Variants in PTGFR observed in about 807,000 individuals in gnomAD.
PTGFR encodes the protein prostaglandin F receptor, also known as prostaglandin F2-alpha receptor.
A neutral mutation model predicts 26.2 loss-of-function variants in PTGFR; 15 were observed. The observed-to-expected ratio is 0.57, with a 90% confidence interval of 0.38 to 0.88. The LOEUF is 0.88. Ranked by LOEUF, PTGFR falls within the 40% of genes least tolerant of loss-of-function variation. The probability of loss-of-function intolerance (pLI) is 0.00; values close to 1 mark genes in which losing one functional copy is unlikely to be tolerated. For synonymous variants in PTGFR, 165 were observed against 151.1 expected, an observed-to-expected ratio of 1.09 and a Z score of -0.68; for missense variants, 369 against 427.2, an observed-to-expected ratio of 0.86 and a Z score of 1.20.
In PTGFR at chr1:78,500,814, T is replaced by C. The variant is rs550858900; in HGVS notation, c.798+7273T>C. On this transcript the variant is annotated intron_variant, in intron 2 of 2. Transcript: ENST00000370757. ...CTATGTGTAGGCTATGTATATGGAA[T>C]TGAGCTCATTTAAGTATAAAACTAT... Among the ~76,000 whole-genome samples, 4 of 152,354 alleles carry C rather than the reference T, an allele frequency of 2.6e-5. No individual in the cohort carries two copies. The South Asian group carries it at 8.3e-4, about 32-fold the overall frequency.
chr1:78,534,521 T>C (rs1022417421), intron 2 of PTGFR, among the ~76,000 whole-genome samples: 2 of 152,090 alleles, frequency 1.3e-5, no homozygotes, highest in Non-Finnish European at 2.9e-5. Context: ...ACAAATTTCT[T>C]AGGGGAAAAA....
At chr1:78,498,695 AAAAC>A (rs749267762) in intron 2 of PTGFR, among the ~76,000 whole-genome samples, 3 of 152,244 alleles carry the variant, frequency 2.0e-5, no homozygotes, top group East Asian at 3.9e-4. Flanking sequence ...CCTGACTCTA[AAAAC>A]AAACAAACAC....
chr1:78,524,581 C>T lies in PTGFR; in HGVS notation c.799-11825C>T, dbSNP rs562493822. Among the ~76,000 whole-genome samples, 4 of 152,200 alleles carry T rather than the reference C, an allele frequency of 2.6e-5. No homozygotes were observed. In the South Asian group the frequency reaches 8.3e-4, roughly 32 times the overall value. ...CATGCTTTCTTTCTCACTGGCAATA[C>T]AACCTGATCAGAATTTATCTACCTT... On this transcript the variant is annotated intron_variant, in intron 2 of 2. Transcript: ENST00000370757.
intron 2 of PTGFR, among the ~76,000 whole-genome samples, chr1:78,510,734 G>A (rs1649946699): frequency 6.6e-6 from 1 of 152,126 alleles, no homozygotes; most frequent in East Asian, 1.9e-4. Context: ...GCATTCTAGT[G>A]TCAACTCAAA....
At chr1:78,532,364 TTATA>T (rs200848855) in intron 2 of PTGFR, 3,470 of 85,182 alleles carry the variant, frequency 0.041, 300 homozygotes, top group African/African-American at 0.14. Flanking sequence ...GTAAATTCAT[TTATA>T]TATATATATA....
rs200848855 is a variant in PTGFR at position 78,532,364 on chromosome 1, TTATATATATATATATA to T, written c.799-4024_799-4009del. ...AGTTTATGCCGTCAAGTAAATTCATTTATATATATATATATATATATATATATATATATGTATATAT... is the reference window on the plus strand; with the variant it reads ...AGTTTATGCCGTCAAGTAAATTCATTTATATATATATATATATGTATATAT... On this transcript the variant is annotated intron_variant, in intron 2 of 2. Transcript: ENST00000370757. 10 of 85,234 alleles carry T rather than the reference TTATATATATATATATA, an allele frequency of 1.2e-4. 1 individual carries two copies. The highest frequency in any genetic ancestry group is 5.1e-4 in the South Asian group (1 of 1,942). The allele number at this position is 85,234 out of a possible 1,614,324, so 5.3% of individuals were successfully genotyped here.
chr1:78,533,672 C>T (rs1391194841), intron 2 of PTGFR, among the ~76,000 whole-genome samples: 2 of 152,150 alleles, frequency 1.3e-5, no homozygotes, highest in African/African-American at 4.8e-5. Context: ...GCATAATTAT[C>T]AAATTTACCA....
intron 2 of PTGFR, among the ~76,000 whole-genome samples, chr1:78,494,851 G>T (rs1245443909): frequency 1.3e-5 from 2 of 152,056 alleles, no homozygotes; most frequent in African/African-American, 4.8e-5. Context: ...TAATCCTTCC[G>T]CCTCGGCCTC....
At position 78,492,787 on chromosome 1, in the gene PTGFR, C is replaced by A. The variant is rs1027584716; in HGVS notation, c.44C>A (p.Ala15Glu). 6.2e-7 allele frequency: 1 copy of A among 1,614,114 alleles called. No homozygotes were observed. The highest frequency in any genetic ancestry group is 8.5e-7 in the Non-Finnish European group (1 of 1,179,994). ...AAACAGCTAGTGTCTCCTGCAGCTG[C>A]GCTTCTTTCAAACACAACCTGCCAG... ...NSKQLVSPAA[A>E]LLSNTTCQTE... The change falls in exon 2 of 3, where the codon GCG (alanine) becomes GAG (glutamate). Residue 15 changes from alanine (A) to glutamate (E), a missense_variant. By Grantham distance (107) the Ala-to-Glu change is moderately radical. Coordinates refer to ENST00000370757, the MANE Select transcript of PTGFR (RefSeq NM_000959.4).
chr1:78,534,788 G>T lies in PTGFR; in HGVS notation c.799-1618G>T, dbSNP rs116256882. ...CACTGAATCACAAACATTAAAGTCC[G>T]CATATATCTCAATTATGTGAAAGTG... On this transcript the variant is annotated intron_variant, in intron 2 of 2. Transcript: ENST00000370757. Among the ~76,000 whole-genome samples the T allele has an allele frequency of 8.6e-3, 1,314 of 152,026 alleles. 9 individuals are homozygous for T. The highest frequency in any genetic ancestry group is 0.012 in the Non-Finnish European group (847 of 67,986).
intron 2 of PTGFR, among the ~76,000 whole-genome samples, chr1:78,496,337 G>A (rs1389341576): frequency 6.6e-6 from 1 of 152,018 alleles, no homozygotes; most frequent in African/African-American, 2.4e-5. Context: ...TGCCCACCTT[G>A]TATTTTAAAA....
In PTGFR at chr1:78,517,205, A is replaced by G. The variant is rs566766927; in HGVS notation, c.799-19201A>G. Reference sequence around the variant, plus strand: ...AAAATGTACCATAATGAGTTTAGAAATACTCATTCAATTATTCAATAAAAT... The same window carrying G: ...AAAATGTACCATAATGAGTTTAGAAGTACTCATTCAATTATTCAATAAAAT... On this transcript the variant is annotated intron_variant, in intron 2 of 2. Transcript: ENST00000370757. 3.9e-5 allele frequency among the ~76,000 whole-genome samples: 6 copies of G among 152,236 alleles called. No homozygotes were observed. In the East Asian group the frequency reaches 1.2e-3, roughly 29 times the overall value.
chr1:78,492,425 G>A (rs893845912), intron 1 of PTGFR, among the ~76,000 whole-genome samples: 45 of 152,186 alleles, frequency 3.0e-4, no homozygotes, highest in African/African-American at 1.0e-3. Context: ...TTCAGGAGGA[G>A]GAGGAGGTGC....
At chr1:78,517,855 C>G (rs1249078420) in intron 2 of PTGFR, among the ~76,000 whole-genome samples, 2 of 152,038 alleles carry the variant, frequency 1.3e-5, no homozygotes, top group Non-Finnish European at 2.9e-5. Flanking sequence ...TATAATGGAA[C>G]AGAATATAGC....
chr1:78,505,245 C>T lies in PTGFR; in HGVS notation c.798+11704C>T, dbSNP rs370683092. ...TCAAGTGATTCTCCTGCCTCAGCCTCCTGAGTAGCTGGGATTACAGGCACC... is the reference window on the plus strand; with the variant it reads ...TCAAGTGATTCTCCTGCCTCAGCCTTCTGAGTAGCTGGGATTACAGGCACC... On this transcript the variant is annotated intron_variant, in intron 2 of 2. Coordinates refer to ENST00000370757, the MANE Select transcript of PTGFR (RefSeq NM_000959.4). Among the ~76,000 whole-genome samples, 148 of 151,442 alleles carry T rather than the reference C, an allele frequency of 9.8e-4. 3 individuals carry two copies. Among genetic ancestry groups the T allele is most frequent in the African/African-American group, 3.4e-3 (140 of 41,216 alleles).
chr1:78,523,034 A>T (rs1300715082), intron 2 of PTGFR, among the ~76,000 whole-genome samples: 1 of 152,110 alleles, frequency 6.6e-6, no homozygotes, highest in Non-Finnish European at 1.5e-5. Context: ...ATTTTCCCTT[A>T]TATGCAAGCA....
Position 78,492,823 on chromosome 1 carries a change from G to T in PTGFR, c.80G>T (p.Arg27Leu). ...AACACAACCTGCCAGACGGAAAACCGGCTTTCCGTATTTTTTTCAGTAATC... is the reference window on the plus strand; with the variant it reads ...AACACAACCTGCCAGACGGAAAACCTGCTTTCCGTATTTTTTTCAGTAATC... ...LSNTTCQTEN[R>L]LSVFFSVIFM... Residue 27 changes from arginine to leucine, a missense_variant, in exon 2 of 3, where the codon CGG becomes CTG. Coordinates refer to ENST00000370757, the MANE Select transcript of PTGFR (RefSeq NM_000959.4). 6.2e-7 allele frequency: 1 copy of T among 1,614,146 alleles called. No homozygotes were observed. Among genetic ancestry groups the T allele is most frequent in the South Asian group, 1.1e-5 (1 of 91,082 alleles).
intron 2 of PTGFR, among the ~76,000 whole-genome samples, chr1:78,521,240 A>G (rs1650214492): frequency 6.6e-6 from 1 of 152,142 alleles, no homozygotes; most frequent in South Asian, 2.1e-4. Context: ...ATTAAGAGAA[A>G]TTCTCCTTGG....
chr1:78,501,354 T>C (rs1649700637), intron 2 of PTGFR, among the ~76,000 whole-genome samples: 1 of 152,224 alleles, frequency 6.6e-6, no homozygotes, highest in Non-Finnish European at 1.5e-5. Context: ...TTTAACCTGA[T>C]ACATCAGTGT....
Sources: gnomAD v4.1 joint callset for allele counts (sites outside exome capture counted in the v4.1 genomes callset) on GRCh38, gnomAD v4.1.1 for gene constraint, MANE v1.5 for transcripts, NCBI Gene and HGNC (gene_info 2026-07-23, HGNC 2026-07-21) for gene names.